Variants in RFX3 observed in about 807,000 individuals in gnomAD.
The protein encoded by RFX3 is regulatory factor X3, also known as transcription factor RFX3.
RFX3 carries 14 observed loss-of-function variants against 98.6 expected under a neutral mutation model. That is an observed-to-expected ratio of 0.14 (90% CI 0.09 to 0.22). RFX3 has a LOEUF of 0.22. Among genes scored for constraint, RFX3 ranks in the 10% least tolerant of loss-of-function variants. The pLI is 1.00. For missense variants in RFX3, 639 were observed against 926.9 expected, an observed-to-expected ratio of 0.69 and a Z score of 4.03; for synonymous variants, 383 against 328.4, an observed-to-expected ratio of 1.17 and a Z score of -1.80.
rs181777549 is a variant in RFX3 at position 3,248,170 on chromosome 9, C to G, written c.1830G>C (p.Arg610=). 3 of 1,609,752 alleles carry G rather than the reference C, an allele frequency of 1.9e-6. No individual in the cohort carries two copies. The highest frequency in any genetic ancestry group is 3.3e-5 in the Admixed American group (2 of 59,810). ...TAGCAGCACTGCGTAAGGTTAAGTC[C>G]CGAATAACCATTGAGCTGTTCCAAG... ...KWSFYSSMVI[R]DLTLRSAASF... is the part of the protein sequence containing the mutation. The change falls in exon 15 of 17, where the codon CGG becomes CGC. Residue 610 remains arginine, a synonymous_variant. Transcript: ENST00000617270.
chr9:3,251,492 C>T (rs959026106), intron 14 of RFX3, among the ~76,000 whole-genome samples: 4 of 151,988 alleles, frequency 2.6e-5, no homozygotes, highest in Non-Finnish European at 4.4e-5. Context: ...TGCTACCATG[C>T]TCAGCTAATT....
intron 4 of RFX3, among the ~76,000 whole-genome samples, chr9:3,304,520 T>C (rs1020566018): frequency 1.3e-5 from 2 of 152,038 alleles, no homozygotes; most frequent in African/African-American, 2.4e-5. Context: ...AAATCTCATC[T>C]TGAATTGTAG....
At chr9:3,260,025 T>C (rs1288706009) in intron 13 of RFX3, among the ~76,000 whole-genome samples, 2 of 151,884 alleles carry the variant, frequency 1.3e-5, no homozygotes, top group Non-Finnish European at 2.9e-5. Flanking sequence ...CAAGGGACTC[T>C]GGGAAAATCT....
chr9:3,312,395 T>C (rs554677683), intron 4 of RFX3, among the ~76,000 whole-genome samples: 59 of 152,294 alleles, frequency 3.9e-4, no homozygotes, highest in African/African-American at 1.3e-3. Context: ...AGAGTGTTCC[T>C]TGAGCTCTGC....
chr9:3,290,592 A>C (rs1026477176), intron 6 of RFX3, among the ~76,000 whole-genome samples: 3 of 152,298 alleles, frequency 2.0e-5, no homozygotes, highest in Admixed American at 6.5e-5. Context: ...GTACTATAGA[A>C]ACAAAAAGTT....
intron 1 of RFX3, chr9:3,400,081 A>T: frequency 5.5e-6 from 1 of 180,996 alleles, no homozygotes; most frequent in Non-Finnish European, 1.1e-5. Context: ...GATTAAAACT[A>T]GTGATTTTAT....
At chr9:3,509,308 C>G (rs1240242284) in intron 1 of RFX3, among the ~76,000 whole-genome samples, 1 of 151,768 alleles carries the variant, frequency 6.6e-6, no homozygotes, top group Non-Finnish European at 1.5e-5. Context: ...AAAGAGTGAC[C>G]TACAAGAACA....
At chr9:3,379,405 C>G (rs1170126048) in intron 2 of RFX3, among the ~76,000 whole-genome samples, 1 of 151,954 alleles carries the variant, frequency 6.6e-6, no homozygotes, top group Non-Finnish European at 1.5e-5. Context: ...CCAACTAGTA[C>G]AATGAAGTTG....
At chr9:3,311,819 G>A (rs1829995322) in intron 4 of RFX3, among the ~76,000 whole-genome samples, 1 of 151,368 alleles carries the variant, frequency 6.6e-6, no homozygotes, top group East Asian at 1.9e-4. Context: ...GGGAGGCAGA[G>A]GTTCCAGTGA....
At chr9:3,276,853 C>T (rs1563845492) in intron 8 of RFX3, among the ~76,000 whole-genome samples, 1 of 151,952 alleles carries the variant, frequency 6.6e-6, no homozygotes, top group Non-Finnish European at 1.5e-5. Flanking sequence ...CTAACTCTTT[C>T]AATAACAAGA....
intron 1 of RFX3, among the ~76,000 whole-genome samples, chr9:3,515,142 G>A (rs527805706): frequency 1.3e-5 from 2 of 152,130 alleles, no homozygotes; most frequent in African/African-American, 4.8e-5. Flanking sequence ...AAAACATAAA[G>A]AGGTAGATTT....
chr9:3,459,302 C>T (rs1351713262), intron 1 of RFX3, among the ~76,000 whole-genome samples: 2 of 152,160 alleles, frequency 1.3e-5, no homozygotes, highest in African/African-American at 4.8e-5. Flanking sequence ...CAACACATTT[C>T]ATCTAGTTAT....
chr9:3,455,531 C>A (rs1274229603), intron 1 of RFX3, among the ~76,000 whole-genome samples: 1 of 152,094 alleles, frequency 6.6e-6, no homozygotes, highest in Admixed American at 6.5e-5. Flanking sequence ...ACTGTCAGTG[C>A]CATAAAGAGT....
intron 1 of RFX3, among the ~76,000 whole-genome samples, chr9:3,462,439 T>C (rs190352599): frequency 6.6e-6 from 1 of 152,140 alleles, no homozygotes; most frequent in East Asian, 1.9e-4. Context: ...TAGCTAACAT[T>C]ATACTTAATA....
intron 2 of RFX3, among the ~76,000 whole-genome samples, chr9:3,366,471 A>T (rs12347068): frequency 0.12 from 18,745 of 152,180 alleles, 1,959 homozygotes; most frequent in African/African-American, 0.28. Context: ...TTACTATTAA[A>T]GAACATAATG....
At chr9:3,405,179 GT>G (rs1397826065) in intron 1 of RFX3, among the ~76,000 whole-genome samples, 1 of 151,818 alleles carries the variant, frequency 6.6e-6, no homozygotes, top group Non-Finnish European at 1.5e-5. Flanking sequence ...TGCCTCAGAA[GT>G]TTAATTGCGT....
At chr9:3,428,860 G>T (rs1270214679) in intron 1 of RFX3, among the ~76,000 whole-genome samples, 2 of 151,944 alleles carry the variant, frequency 1.3e-5, no homozygotes, top group Non-Finnish European at 2.9e-5. Flanking sequence ...TTTCTCAATT[G>T]TTCTAGATAC....
intron 10 of RFX3, chr9:3,270,773 G>T: frequency 1.5e-6 from 1 of 672,542 alleles, no homozygotes; most frequent in Non-Finnish European, 2.5e-6. Flanking sequence ...GTAATTCCAT[G>T]AGGATGAAAT....
intron 7 of RFX3, among the ~76,000 whole-genome samples, chr9:3,280,558 G>C (rs972568390): frequency 1.3e-5 from 2 of 151,726 alleles, no homozygotes; most frequent in African/African-American, 4.8e-5. Context: ...CAAAGAAGGA[G>C]GGAGTTTAAC....
Sources: gnomAD v4.1 joint callset for allele counts (sites outside exome capture counted in the v4.1 genomes callset) on GRCh38, gnomAD v4.1.1 for gene constraint, MANE v1.5 for transcripts, NCBI Gene and HGNC (gene_info 2026-07-23, HGNC 2026-07-21) for gene names.